Variants in ST8SIA6 observed in about 807,000 individuals in gnomAD.
The protein encoded by ST8SIA6 is alpha-2,8-sialyltransferase 8F.
ST8SIA6 carries 39 observed loss-of-function variants against 33.6 expected under a neutral mutation model. The observed-to-expected ratio is 1.16, with a 90% CI of 0.90 to 1.52. The LOEUF (loss-of-function observed/expected upper bound fraction) is 1.52. Ranked by LOEUF, ST8SIA6 falls within the 40% of genes most tolerant of loss-of-function variation. ST8SIA6 has a pLI of 0.00. For missense variants in ST8SIA6, 441 were observed against 443.8 expected (o/e 0.99, Z 0.06); for synonymous variants, 172 against 167.2 (o/e 1.03, Z -0.22).
At position 17,419,761 on chromosome 10, in the gene ST8SIA6, A is replaced by G. The variant is rs184437807; in HGVS notation, c.201-29141T>C. Among the ~76,000 whole-genome samples the G allele has an allele frequency of 1.4e-3, 208 of 152,330 alleles. 1 individual carries two copies. Among genetic ancestry groups the G allele is most frequent in the Non-Finnish European group, 2.0e-3 (135 of 68,034 alleles). ...TCCCTTTCTTGTTTTTGTTTAAAAC[A>G]TGGCTATCAAAAAACATTGGAGGTT... On this transcript the variant is annotated intron_variant, in intron 2 of 7. Transcript: ENST00000377602.
At chr10:17,419,997 G>A (rs967218323) in intron 2 of ST8SIA6, among the ~76,000 whole-genome samples, 1 of 152,178 alleles carries the variant, frequency 6.6e-6, no homozygotes, top group African/African-American at 2.4e-5. Context: ...ACCTGGTGGA[G>A]ACTTAAATAG....
chr10:17,375,623 C>T (rs1257235630), intron 3 of ST8SIA6, among the ~76,000 whole-genome samples: 1 of 152,220 alleles, frequency 6.6e-6, no homozygotes, highest in African/African-American at 2.4e-5. Flanking sequence ...TCACCTATGG[C>T]GTAAGCCGCA....
At chr10:17,411,105 T>C (rs1212888938) in intron 2 of ST8SIA6, among the ~76,000 whole-genome samples, 1 of 152,126 alleles carries the variant, frequency 6.6e-6, no homozygotes, top group East Asian at 1.9e-4. Context: ...TTCTGAGAAA[T>C]GCAATCAATC....
Position 17,321,343 on chromosome 10 carries a change from A to G in ST8SIA6, c.732T>C (p.Tyr244=). 1 of 1,583,376 alleles carries G rather than the reference A, an allele frequency of 6.3e-7. No individual in the cohort carries two copies. Among genetic ancestry groups the G allele is most frequent in the Non-Finnish European group, 8.5e-7 (1 of 1,171,434 alleles). The change falls in exon 8 of 8, where the codon TAT becomes TAC. Residue 244 remains tyrosine, a synonymous_variant. Transcript: ENST00000377602. Reference sequence around the variant, plus strand: ...GGGCTTTTTTTTCCTTTAAGTTCCCATATCTGCCAAATTAAAAAAAAATTA... The same window carrying G: ...GGGCTTTTTTTTCCTTTAAGTTCCCGTATCTGCCAAATTAAAAAAAAATTA... ...TINPSIITLK[Y]GNLKEKKALF...
At chr10:17,347,629 CATA>C (rs1848879820) in intron 4 of ST8SIA6, among the ~76,000 whole-genome samples, 1 of 152,094 alleles carries the variant, frequency 6.6e-6, no homozygotes, top group South Asian at 2.1e-4. Flanking sequence ...TTGCAATGAG[CATA>C]AAGCTGTGAC....
At chr10:17,395,791 G>C (rs182709553) in intron 2 of ST8SIA6, among the ~76,000 whole-genome samples, 1 of 152,140 alleles carries the variant, frequency 6.6e-6, no homozygotes, top group African/African-American at 2.4e-5. Context: ...GCTGAGGCAG[G>C]AGAATTGCTT....
intron 2 of ST8SIA6, among the ~76,000 whole-genome samples, chr10:17,394,074 T>C (rs188178841): frequency 6.5e-4 from 99 of 152,316 alleles, no homozygotes; most frequent in Non-Finnish European, 1.1e-3. Context: ...CAGTATTGAA[T>C]TGTGAAACTG....
intron 2 of ST8SIA6, among the ~76,000 whole-genome samples, chr10:17,418,891 G>T (rs1474080899): frequency 2.0e-5 from 3 of 150,250 alleles, no homozygotes; most frequent in Non-Finnish European, 4.4e-5. Flanking sequence ...TACTGGGGAG[G>T]CTGAGGCAGG....
chr10:17,373,932 A>G (rs1340323811), intron 3 of ST8SIA6, among the ~76,000 whole-genome samples: 1 of 152,150 alleles, frequency 6.6e-6, no homozygotes, highest in Non-Finnish European at 1.5e-5. Flanking sequence ...TTTTGTTTCC[A>G]GTGACAAATA....
intron 2 of ST8SIA6, among the ~76,000 whole-genome samples, chr10:17,441,701 C>T (rs1291886855): frequency 6.6e-6 from 1 of 152,094 alleles, no homozygotes; most frequent in African/African-American, 2.4e-5. Flanking sequence ...CTGGAAGTCC[C>T]ACCCTCTAAA....
In ST8SIA6 at chr10:17,453,600, C is replaced by T. The variant is rs778490508; in HGVS notation, c.159G>A (p.Thr53=). Residue 53 remains threonine, a synonymous_variant, in exon 2 of 8, where the codon ACG becomes ACA. Transcript: ENST00000377602. Reference sequence around the variant, plus strand: ...GTACCGCGGTCGCCGGGCTCCGGAGCGTCCTCAGCGCTGCGGGGGTGCCGT... The same window carrying T: ...GTACCGCGGTCGCCGGGCTCCGGAGTGTCCTCAGCGCTGCGGGGGTGCCGT... ...ATHGTPAALR[T]LRSPATAVPR... is the part of the protein sequence containing the mutation. The T allele has an allele frequency of 1.5e-6, 2 of 1,331,960 alleles. No homozygotes were observed. Among genetic ancestry groups the T allele is most frequent in the South Asian group, 2.6e-5 (1 of 38,122 alleles). 82.5% of individuals were successfully genotyped at this position (1,331,960 alleles called of 1,614,324 possible). A position where few individuals can be genotyped will look rare whatever the true frequency, so the allele number is the denominator to read the frequency against.
chr10:17,341,535 G>T (rs1053591775), intron 4 of ST8SIA6, among the ~76,000 whole-genome samples: 1 of 152,122 alleles, frequency 6.6e-6, no homozygotes, highest in Non-Finnish European at 1.5e-5. Flanking sequence ...CAGTATGATG[G>T]TATTAGGAGG....
chr10:17,364,286 T>G (rs1849490316), intron 3 of ST8SIA6, among the ~76,000 whole-genome samples: 1 of 152,212 alleles, frequency 6.6e-6, no homozygotes, highest in Non-Finnish European at 1.5e-5. Flanking sequence ...TAACCTAATA[T>G]TGAAAGACGC....
At chr10:17,322,920 A>G (rs1359488962) in intron 7 of ST8SIA6, 145 bp downstream of exon 7, 2 of 611,550 alleles carry the variant, frequency 3.3e-6, no homozygotes, top group Non-Finnish European at 5.3e-6. Context: ...CACAATTTGC[A>G]AATGAATTCT....
At chr10:17,416,440 G>T (rs574350014) in intron 2 of ST8SIA6, among the ~76,000 whole-genome samples, 2 of 152,154 alleles carry the variant, frequency 1.3e-5, no homozygotes, top group Non-Finnish European at 2.9e-5. Context: ...TTATATGGTC[G>T]AAATGCCCAT....
rs1246099460 is a variant in ST8SIA6 at position 17,339,821 on chromosome 10, TAAG to T, written c.378-8272_378-8270del. 6.6e-5 allele frequency among the ~76,000 whole-genome samples: 10 copies of T among 152,330 alleles called. No individual in the cohort carries two copies. The East Asian group carries it at 1.5e-3, about 23-fold the overall frequency. Reference sequence around the variant, plus strand: ...TGAGGATAACTTAGGATCATAAAGTTAAGAAGGTCACATATGACACGTTCATTC... The same window carrying T: ...TGAGGATAACTTAGGATCATAAAGTTAAGGTCACATATGACACGTTCATTC... On this transcript the variant is annotated intron_variant, in intron 4 of 7. Transcript: ENST00000377602.
chr10:17,389,234 T>C (rs1411086797), intron 3 of ST8SIA6, among the ~76,000 whole-genome samples: 1 of 152,152 alleles, frequency 6.6e-6, no homozygotes, highest in Non-Finnish European at 1.5e-5. Flanking sequence ...ATTTGAGTAA[T>C]AAAACTCCGG....
intron 4 of ST8SIA6, among the ~76,000 whole-genome samples, chr10:17,358,117 T>C (rs1320561431): frequency 6.6e-6 from 1 of 152,172 alleles, no homozygotes; most frequent in Non-Finnish European, 1.5e-5. Context: ...ATAGGAAAGA[T>C]GTTTAATGGT....
At chr10:17,347,896 C>T (rs1007675908) in intron 4 of ST8SIA6, among the ~76,000 whole-genome samples, 1 of 138,862 alleles carries the variant, frequency 7.2e-6, no homozygotes, top group Admixed American at 8.0e-5. Context: ...ATGGGGGTTG[C>T]AGTGAGCCGA....
Sources: gnomAD v4.1 joint callset for allele counts (sites outside exome capture counted in the v4.1 genomes callset) on GRCh38, gnomAD v4.1.1 for gene constraint, MANE v1.5 for transcripts, NCBI Gene and HGNC (gene_info 2026-07-23, HGNC 2026-07-21) for gene names.